Variants in COL9A3 observed in about 807,000 individuals in gnomAD.
COL9A3 encodes the protein collagen alpha-3(IX) chain.
In COL9A3, 82 loss-of-function variants were observed where a neutral mutation model predicts 110.2. That is an observed-to-expected ratio of 0.74 (90% CI 0.62 to 0.89). The LOEUF is 0.89. Among genes scored for constraint, COL9A3 ranks in the 40% least tolerant of loss-of-function variants. COL9A3 has a pLI of 0.00. For synonymous variants in COL9A3, 494 were observed against 403.8 expected, an observed-to-expected ratio of 1.22 and a Z score of -2.68; for missense variants, 1,066 against 981.3, an observed-to-expected ratio of 1.09 and a Z score of -1.15.
chr20:62,817,398 C>T, intron 1 of COL9A3, 169 bp from the exon 2 acceptor site: 1 of 560,672 alleles, frequency 1.8e-6, no homozygotes, highest in East Asian at 3.4e-5. Context: ...CGGAGGGAGG[C>T]GGGGGACACA....
At chr20:62,832,057 A>G (rs1012404363) in intron 24 of COL9A3, 97 bp from the exon 25 acceptor site, 1 of 1,165,978 alleles carries the variant, frequency 8.6e-7, no homozygotes, top group Non-Finnish European at 1.3e-6. Flanking sequence ...GCACAGATGG[A>G]GATGTGGGGA....
chr20:62,831,910 A>G, intron 24 of COL9A3: 1 of 584,286 alleles, frequency 1.7e-6, no homozygotes. Context: ...CGGGTGTTAC[A>G]AACAGTGCAA....
chr20:62,825,433 G>A (rs2063544899), intron 12 of COL9A3: 1 of 364,684 alleles, frequency 2.7e-6, no homozygotes, highest in Non-Finnish European at 5.0e-6. Context: ...GTCGCTGTCC[G>A]TGGAGGGTGT....
rs1052032147 is a variant in COL9A3 at position 62,825,479 on chromosome 20, C to G, written c.631-338C>G. 31 of 440,792 alleles carry G rather than the reference C, an allele frequency of 7.0e-5. 1 individual carries two copies. In the East Asian group the frequency reaches 1.3e-3, roughly 19 times the overall value. The allele number at this position is 440,792 out of a possible 1,614,324, so 27.3% of individuals were successfully genotyped here. A position where few individuals can be genotyped will look rare whatever the true frequency, so the allele number is the denominator to read the frequency against. On this transcript the variant is annotated intron_variant, in intron 12 of 31. Transcript: ENST00000649368. ...TCACCTGCAGGCCGGGGGACCAGGT[C>G]TGGGATGCCCTTTAGCGTGGCTGGA... is the stretch of plus-strand genomic sequence containing the variant.
At chr20:62,838,174 C>T (rs976772223) in intron 30 of COL9A3, among the ~76,000 whole-genome samples, 3 of 152,248 alleles carry the variant, frequency 2.0e-5, no homozygotes, top group South Asian at 2.1e-4. Context: ...GTGGTTCAGC[C>T]GTGCACGGCT....
chr20:62,826,871 T>G, intron 15 of COL9A3, 51 bp downstream of exon 15: 1 of 1,592,060 alleles, frequency 6.3e-7, no homozygotes, highest in East Asian at 2.3e-5. Context: ...CTCTCTCCCC[T>G]TTCCCTCTGC....
At chr20:62,829,967 ATCT>A in intron 22 of COL9A3, 148 bp downstream of exon 22, 1 of 1,045,036 alleles carries the variant, frequency 9.6e-7, no homozygotes, top group Non-Finnish European at 1.4e-6. Flanking sequence ...GTGGGGCCCC[ATCT>A]TCTTGTCCCT....
intron 3 of COL9A3, 54 bp downstream of exon 3, chr20:62,818,607 GA>G (rs1006539495): frequency 1.8e-5 from 28 of 1,543,848 alleles, no homozygotes; most frequent in African/African-American, 4.1e-5. Flanking sequence ...GAGAAAGGGG[GA>G]ACTCAGAACA....
chr20:62,827,812 C>T (rs2063565862), intron 16 of COL9A3, 111 bp from the exon 17 acceptor site: 1 of 1,177,760 alleles, frequency 8.5e-7, no homozygotes, highest in Non-Finnish European at 1.3e-6. Context: ...GGGGGTGGCC[C>T]CTGCCGCTGC....
intron 4 of COL9A3, among the ~76,000 whole-genome samples, chr20:62,819,634 G>C (rs1254909778): frequency 6.6e-6 from 1 of 152,198 alleles, no homozygotes; most frequent in Non-Finnish European, 1.5e-5. Context: ...GTTTTGTTCG[G>C]AGGAAGCCGG....
chr20:62,832,443 C>T (rs963498604), intron 25 of COL9A3, among the ~76,000 whole-genome samples: 4 of 152,254 alleles, frequency 2.6e-5, no homozygotes, highest in Admixed American at 6.5e-5. Context: ...AAACAGCTGG[C>T]CAGAGTGTCC....
chr20:62,829,531 G>A (rs2063579162), intron 20 of COL9A3, 32 bp downstream of exon 20: 3 of 1,611,820 alleles, frequency 1.9e-6, no homozygotes, highest in Non-Finnish European at 2.5e-6. Context: ...CTCTCTGGGA[G>A]GGGAGGCGAG....
chr20:62,829,292 G>T (rs1307272868), intron 19 of COL9A3, among the ~76,000 whole-genome samples, 163 bp from the exon 20 acceptor site: 1 of 152,222 alleles, frequency 6.6e-6, no homozygotes, highest in Non-Finnish European at 1.5e-5. Context: ...GGCCAGGGAG[G>T]CTGTCAAAGC....
intron 10 of COL9A3, 28 bp downstream of exon 10, chr20:62,822,660 G>T (rs374194443): frequency 4.0e-4 from 647 of 1,607,864 alleles, no homozygotes; most frequent in Non-Finnish European, 5.2e-4. Flanking sequence ...TTTGTTAAGG[G>T]TGCTGGGGGG....
At chr20:62,832,688 C>T (rs2063605725) in intron 25 of COL9A3, among the ~76,000 whole-genome samples, 2 of 140,340 alleles carry the variant, frequency 1.4e-5, no homozygotes, top group African/African-American at 5.7e-5. Context: ...CTGCCCCGCC[C>T]TCCTGCAGTG....
intron 26 of COL9A3, among the ~76,000 whole-genome samples, chr20:62,833,884 G>C (rs1469255816): frequency 7.3e-6 from 1 of 137,834 alleles, no homozygotes; most frequent in African/African-American, 2.7e-5. Context: ...GGGGGGTTTT[G>C]TTTGTTTTTT....
Position 62,827,253 on chromosome 20 carries a change from G to C in COL9A3, c.805G>C (p.Glu269Gln). 6.2e-7 allele frequency: 1 copy of C among 1,613,270 alleles called. No homozygotes were observed. Among genetic ancestry groups the C allele is most frequent in the Non-Finnish European group, 8.5e-7 (1 of 1,179,974 alleles). Residue 269 changes from glutamate (E) to glutamine (Q), a missense_variant, in exon 16 of 32, where the codon GAG (glutamate) becomes CAG (glutamine). Transcript: ENST00000649368. Reference protein sequence around the residue: ...GAPGKAGDRGERGPEGFRGPK... With the variant: ...GAPGKAGDRGQRGPEGFRGPK... ...TCATCCTTTCCAGGGTGACCGAGGCGAGAGGGGCCCAGAAGGGTTCCGCGG... is the reference window on the plus strand; with the variant it reads ...TCATCCTTTCCAGGGTGACCGAGGCCAGAGGGGCCCAGAAGGGTTCCGCGG...
At position 62,841,073 on chromosome 20, in the gene COL9A3, A is replaced by C; in HGVS notation, c.*341A>C. 1 of 262,364 alleles carries C rather than the reference A, an allele frequency of 3.8e-6. No individual in the cohort carries two copies. Among genetic ancestry groups the C allele is most frequent in the South Asian group, 4.5e-5 (1 of 22,060 alleles). 16.3% of individuals were successfully genotyped at this position (262,364 alleles called of 1,614,324 possible). On this transcript the variant is annotated 3_prime_UTR_variant, in exon 32 of 32. Coordinates refer to ENST00000649368, the MANE Select transcript of COL9A3 (RefSeq NM_001853.4). Reference sequence around the variant, plus strand: ...TAAAGACTATGATCTCATCCCAATAAAATGATATATTAAACCTTCAGATTA... The same window carrying C: ...TAAAGACTATGATCTCATCCCAATACAATGATATATTAAACCTTCAGATTA...
intron 5 of COL9A3, among the ~76,000 whole-genome samples, chr20:62,820,248 C>A (rs1161957189): frequency 6.6e-6 from 1 of 152,152 alleles, no homozygotes. Flanking sequence ...GGGGAACCCA[C>A]CCCAGGTGCC....
Sources: gnomAD v4.1 joint callset for allele counts (sites outside exome capture counted in the v4.1 genomes callset) on GRCh38, gnomAD v4.1.1 for gene constraint, MANE v1.5 for transcripts, NCBI Gene and HGNC (gene_info 2026-07-23, HGNC 2026-07-21) for gene names.